The following MTR variants were observed in gnomAD, a reference collection of about 807,000 sequenced individuals.
The protein encoded by MTR is methionine synthase.
Under a neutral mutation model 154.8 loss-of-function variants are expected in MTR, and 84 were observed. That is an observed-to-expected ratio of 0.54 (90% CI 0.45 to 0.65). MTR has a LOEUF of 0.65. Ranked by LOEUF, MTR falls within the 30% of genes least tolerant of loss-of-function variation. MTR has a pLI of 0.00. For synonymous variants in MTR, 554 were observed against 553.9 expected (o/e 1.00, Z 0.00); for missense variants, 1,275 against 1,570.2 (o/e 0.81, Z 3.18).
chr1:236,838,303 TTTTG>T, intron 14 of MTR, 107 bp from the exon 15 acceptor site: 1 of 1,119,590 alleles, frequency 8.9e-7, no homozygotes, highest in South Asian at 1.3e-5. Context: ...TACTACTATT[TTTTG>T]TTTATTGTTT....
intron 16 of MTR, among the ~76,000 whole-genome samples, chr1:236,851,051 A>G (rs148301059): frequency 1.5e-3 from 232 of 152,318 alleles, no homozygotes; most frequent in African/African-American, 5.4e-3. Flanking sequence ...TATTGCTTAT[A>G]TATGTAGATT....
chr1:236,894,393 T>G lies in MTR; in HGVS notation c.3241T>G (p.Cys1081Gly). 1 of 1,614,228 alleles carries G rather than the reference T, an allele frequency of 6.2e-7. No individual in the cohort carries two copies. The highest frequency in any genetic ancestry group is 8.5e-7 in the Non-Finnish European group (1 of 1,180,038). Residue 1081 changes from cysteine (C) to glycine (G), a missense_variant, in exon 30 of 33, where the codon TGC (cysteine) becomes GGC (glycine). By Grantham distance (159) the Cys-to-Gly change is radical. Coordinates refer to ENST00000366577, the MANE Select transcript of MTR (RefSeq NM_000254.3). ...KDSASTEPYYCLSDFIAPLHS... is the reference protein window; with the variant it reads ...KDSASTEPYYGLSDFIAPLHS... Reference sequence around the variant, plus strand: ...CTCTGCCAGCACGGAGCCATACTACTGCCTCTCAGACTTCATCGCTCCCTT... The same window carrying G: ...CTCTGCCAGCACGGAGCCATACTACGGCCTCTCAGACTTCATCGCTCCCTT...
At chr1:236,820,085 C>G in intron 8 of MTR, 1 of 772,852 alleles carries the variant, frequency 1.3e-6, no homozygotes, top group Non-Finnish European at 2.4e-6. Context: ...CTGTGTAACA[C>G]AGATTCCCCT....
At chr1:236,808,634 G>T (rs1452290087) in intron 3 of MTR, 70 bp from the exon 4 acceptor site, 5 of 1,418,180 alleles carry the variant, frequency 3.5e-6, no homozygotes, top group Non-Finnish European at 5.0e-6. Flanking sequence ...AGTATTAGAT[G>T]GTCATGAATC....
chr1:236,890,672 C>T (rs140960800), intron 28 of MTR, among the ~76,000 whole-genome samples: 6 of 152,112 alleles, frequency 3.9e-5, no homozygotes, highest in Admixed American at 2.0e-4. Flanking sequence ...GAGGTTGTTA[C>T]GGTCAAAATG....
chr1:236,897,310 G>GCGCGCGCGCACACACACACACA, intron 32 of MTR, among the ~76,000 whole-genome samples, 192 bp downstream of exon 32: 3,641 of 128,632 alleles, frequency 0.028, 95 homozygotes, highest in Non-Finnish European at 0.042. Context: ...CCACACACAC[G>GCGCGCGCGCACACACACACACA]CACACACACA....
intron 15 of MTR, among the ~76,000 whole-genome samples, chr1:236,850,129 T>C (rs1429026720): frequency 1.3e-5 from 2 of 152,134 alleles, no homozygotes; most frequent in African/African-American, 4.8e-5. Context: ...TCTGAGATAA[T>C]TTGATAAGTG....
intron 1 of MTR, among the ~76,000 whole-genome samples, chr1:236,799,465 T>G (rs1396254053): frequency 1.3e-5 from 2 of 152,176 alleles, no homozygotes; most frequent in African/African-American, 4.8e-5. Context: ...TAGGAGTTTT[T>G]TATTCAGGCT....
chr1:236,886,303 C>T lies in MTR; in HGVS notation c.2787C>T (p.Tyr929=), dbSNP rs1016901949. The T allele has an allele frequency of 6.2e-7, 1 of 1,614,034 alleles. No individual in the cohort carries two copies. Among genetic ancestry groups the T allele is most frequent in the Non-Finnish European group, 8.5e-7 (1 of 1,179,984 alleles). The change falls in exon 27 of 33, where the codon TAC becomes TAT. Residue 929 remains tyrosine (Y), a synonymous_variant. Transcript: ENST00000366577. The part of the protein sequence containing the change: ...DHYESLKERR[Y]LPLSQARKSG... Reference sequence around the variant, plus strand: ...TTGTTTTTTAACAGGAGAGGAGATACTTACCCTTAAGTCAAGCCAGAAAAA... The same window carrying T: ...TTGTTTTTTAACAGGAGAGGAGATATTTACCCTTAAGTCAAGCCAGAAAAA...
rs149562440 is a variant in MTR, at chr1:236,810,343, CT to C, written c.410-159del. 9.0e-3 allele frequency among the ~76,000 whole-genome samples: 1,365 copies of C among 152,184 alleles called. 12 individuals carry two copies. Among genetic ancestry groups the C allele is most frequent in the African/African-American group, 0.029 (1,219 of 41,536 alleles). ...GGAGAGGTCAAGTTTTATTGTCAAACTGAGAAAAAAGTTTGGGCTTTTAGAG... is the reference window on the plus strand; with the variant it reads ...GGAGAGGTCAAGTTTTATTGTCAAACGAGAAAAAAGTTTGGGCTTTTAGAG... On this transcript the variant is annotated intron_variant, in intron 4 of 32. Transcript: ENST00000366577.
intron 15 of MTR, among the ~76,000 whole-genome samples, chr1:236,846,813 C>T (rs937823038): frequency 1.3e-5 from 2 of 151,912 alleles, no homozygotes; most frequent in Non-Finnish European, 2.9e-5. Flanking sequence ...CAGTGTTTCC[C>T]TTCCTACTTG....
chr1:236,800,494 C>G lies in MTR; in HGVS notation c.35-2934C>G, dbSNP rs1033289249. 1.0e-5 allele frequency: 10 copies of G among 983,290 alleles called. No individual in the cohort carries two copies. In the Admixed American group the frequency reaches 1.8e-4, roughly 18 times the overall value. The allele number at this position is 983,290 out of a possible 1,614,324, so 60.9% of individuals were successfully genotyped here. On this transcript the variant is annotated intron_variant, in intron 1 of 32. Transcript: ENST00000366577. ...GGCATGTAGGTTAGAGTCTTTAGTT[C>G]TTAGTCTTCTCATTCCTCCTGTGAA...
chr1:236,798,414 T>A (rs1274143987), intron 1 of MTR, among the ~76,000 whole-genome samples: 4 of 152,248 alleles, frequency 2.6e-5, no homozygotes, highest in Non-Finnish European at 5.9e-5. Flanking sequence ...TAACCACTTA[T>A]ACCTATGTTT....
At chr1:236,848,632 G>C (rs958962675) in intron 15 of MTR, among the ~76,000 whole-genome samples, 2 of 152,074 alleles carry the variant, frequency 1.3e-5, no homozygotes, top group Non-Finnish European at 2.9e-5. Flanking sequence ...GAAGACGAAA[G>C]CTCGCCACCT....
intron 22 of MTR, among the ~76,000 whole-genome samples, chr1:236,866,116 C>G (rs142919638): frequency 7.9e-5 from 12 of 152,256 alleles, no homozygotes; most frequent in African/African-American, 2.9e-4. Flanking sequence ...TATTGTACCT[C>G]ACTTTATTGA....
At chr1:236,877,387 A>G (rs1665491339) in intron 24 of MTR, among the ~76,000 whole-genome samples, 1 of 152,208 alleles carries the variant, frequency 6.6e-6, no homozygotes, top group African/African-American at 2.4e-5. Flanking sequence ...ATGGCACCCT[A>G]GGAACCTCAG....
chr1:236,844,385 A>G (rs1056722160), intron 15 of MTR, among the ~76,000 whole-genome samples: 1 of 152,002 alleles, frequency 6.6e-6, no homozygotes, highest in African/African-American at 2.4e-5. Flanking sequence ...AACTTTTTAC[A>G]GTTCTGCCAT....
rs1219535278 is a variant in MTR, at chr1:236,903,444, C to T, written c.*5800C>T. Reference sequence around the variant, plus strand: ...GGAATATCTAATTCCATTTACACTGCATTCTTCAAATGTAATTTTCAAAGA... The same window carrying T: ...GGAATATCTAATTCCATTTACACTGTATTCTTCAAATGTAATTTTCAAAGA... On this transcript the variant is annotated 3_prime_UTR_variant, in exon 33 of 33. Coordinates refer to ENST00000366577, the MANE Select transcript of MTR (RefSeq NM_000254.3). 3 of 151,964 alleles carry T rather than the reference C, an allele frequency of 2.0e-5. No homozygotes were observed. The highest frequency in any genetic ancestry group is 1.5e-5 in the Non-Finnish European group (1 of 68,046). 9.4% of individuals were successfully genotyped at this position (151,964 alleles called of 1,614,324 possible).
intron 29 of MTR, among the ~76,000 whole-genome samples, chr1:236,894,030 C>T (rs992077033): frequency 6.6e-6 from 1 of 151,898 alleles, no homozygotes; most frequent in African/African-American, 2.4e-5. Context: ...GTGACTTTAG[C>T]ACAGTGCCTG....
Sources: allele counts gnomAD v4.1 joint callset (sites outside exome capture counted in the v4.1 genomes callset), GRCh38; gene constraint gnomAD v4.1.1; transcripts MANE v1.5; gene names NCBI Gene and HGNC (gene_info 2026-07-23, HGNC 2026-07-21).